Variants in NCKAP5 observed in about 807,000 individuals in gnomAD.
The protein encoded by NCKAP5 is NCK associated protein 5.
A neutral mutation model predicts 167.0 loss-of-function variants in NCKAP5; 92 were observed. That is an observed-to-expected ratio of 0.55 (90% confidence interval 0.47 to 0.66). The LOEUF is 0.66. Among genes scored for constraint, NCKAP5 ranks in the 30% least tolerant of loss-of-function variants. NCKAP5 has a pLI of 0.00. For synonymous variants in NCKAP5, 891 were observed against 877.4 expected, an observed-to-expected ratio of 1.02 and a Z score of -0.27; for missense variants, 2,378 against 2,315.0, an observed-to-expected ratio of 1.03 and a Z score of -0.56.
At chr2:132,789,057 C>G (rs903840548) in intron 13 of NCKAP5, among the ~76,000 whole-genome samples, 1 of 152,254 alleles carries the variant, frequency 6.6e-6, no homozygotes, top group African/African-American at 2.4e-5. Context: ...GCCTTAAGAA[C>G]CTTCTTTCTC....
At chr2:132,933,101 A>G (rs1696555834) in intron 8 of NCKAP5, among the ~76,000 whole-genome samples, 1 of 151,732 alleles carries the variant, frequency 6.6e-6, no homozygotes, top group East Asian at 1.9e-4. Context: ...ATATTTTTGT[A>G]TTTTTAGTAG....
At chr2:133,509,546 C>T (rs372694610) in intron 3 of NCKAP5, among the ~76,000 whole-genome samples, 2 of 152,210 alleles carry the variant, frequency 1.3e-5, no homozygotes, top group East Asian at 3.8e-4. Context: ...AGTTCACTCA[C>T]TCATTCATTC....
chr2:132,800,725 C>G (rs1381355237), intron 11 of NCKAP5, among the ~76,000 whole-genome samples: 1 of 152,142 alleles, frequency 6.6e-6, no homozygotes, highest in East Asian at 1.9e-4. Flanking sequence ...GTCATCTATC[C>G]TCTCTAACCC....
intron 6 of NCKAP5, among the ~76,000 whole-genome samples, chr2:133,032,258 C>A (rs965965333): frequency 6.6e-5 from 10 of 152,134 alleles, no homozygotes; most frequent in African/African-American, 2.4e-4. Flanking sequence ...AGTCCCAGGC[C>A]AGGCAGCATT....
At chr2:133,049,544 CAAAAA>C (rs59494014) in intron 6 of NCKAP5, among the ~76,000 whole-genome samples, 2 of 78,292 alleles carry the variant, frequency 2.6e-5, no homozygotes, top group Non-Finnish European at 2.5e-5. Flanking sequence ...GACTCTGTCT[CAAAAA>C]AAAAAAAAAA....
intron 11 of NCKAP5, among the ~76,000 whole-genome samples, chr2:132,858,096 C>G (rs1440840997): frequency 6.6e-6 from 1 of 151,836 alleles, no homozygotes; most frequent in Admixed American, 6.6e-5. Context: ...CTGTATTCAA[C>G]AAATAATAAC....
intron 3 of NCKAP5, among the ~76,000 whole-genome samples, chr2:133,507,338 A>T (rs893749314): frequency 6.6e-6 from 1 of 152,198 alleles, no homozygotes; most frequent in Non-Finnish European, 1.5e-5. Context: ...CCCTCTACAC[A>T]TCTATGTGCA....
chr2:133,185,826 T>C (rs76647075), intron 5 of NCKAP5, among the ~76,000 whole-genome samples: 14,951 of 152,136 alleles, frequency 0.098, 847 homozygotes, highest in East Asian at 0.13. Flanking sequence ...TGAAACTCTA[T>C]TGATGTAATT....
chr2:133,302,811 A>G (rs1680488878), intron 4 of NCKAP5, among the ~76,000 whole-genome samples: 1 of 151,562 alleles, frequency 6.6e-6, no homozygotes, highest in Non-Finnish European at 1.5e-5. Context: ...AAATAAATAA[A>G]TAAATAAATA....
At chr2:133,538,061 T>C (rs79878450) in intron 2 of NCKAP5, among the ~76,000 whole-genome samples, 6,301 of 152,260 alleles carry the variant, frequency 0.041, 153 homozygotes, top group South Asian at 0.068. Flanking sequence ...TTGCATTTCA[T>C]TCCATTAAAG....
chr2:133,059,745 A>G (rs1179971025), intron 6 of NCKAP5, among the ~76,000 whole-genome samples: 1 of 152,180 alleles, frequency 6.6e-6, no homozygotes, highest in African/African-American at 2.4e-5. Context: ...ATGCTATTGC[A>G]CATTTAATAG....
the NCKAP5 span, among the ~76,000 whole-genome samples, chr2:133,673,990 A>G: frequency 6.6e-6 from 1 of 152,322 alleles, no homozygotes; most frequent in Admixed American, 6.5e-5. Context: ...TAGCATTCTT[A>G]GGAATTTAAG....
intron 6 of NCKAP5, among the ~76,000 whole-genome samples, chr2:133,073,930 G>C (rs2080508352): frequency 6.6e-6 from 1 of 152,150 alleles, no homozygotes; most frequent in Non-Finnish European, 1.5e-5. Flanking sequence ...TGAGGCAAAT[G>C]GCTGCAACTT....
the NCKAP5 span, among the ~76,000 whole-genome samples, chr2:133,658,001 A>G: frequency 1.3e-5 from 2 of 152,190 alleles, no homozygotes; most frequent in Non-Finnish European, 2.9e-5. Context: ...GAAGAGTTCA[A>G]GATAAAGGGA....
chr2:133,414,108 A>G (rs577598936), intron 3 of NCKAP5, among the ~76,000 whole-genome samples: 1 of 152,338 alleles, frequency 6.6e-6, no homozygotes, highest in South Asian at 2.1e-4. Flanking sequence ...ATGACATACT[A>G]AATGTCACGC....
the NCKAP5 span, among the ~76,000 whole-genome samples, chr2:133,673,800 G>A: frequency 1.8e-4 from 28 of 152,242 alleles, no homozygotes; most frequent in Admixed American, 3.9e-4. Flanking sequence ...AGCTCAGGAC[G>A]CTGCAATGTG....
chr2:133,088,243 T>C (rs1190308414), intron 6 of NCKAP5, among the ~76,000 whole-genome samples: 1 of 152,220 alleles, frequency 6.6e-6, no homozygotes, highest in Non-Finnish European at 1.5e-5. Flanking sequence ...GCTTCAGAGT[T>C]GGCACGGGCA....
At chr2:133,545,035 G>C (rs572477999) in intron 2 of NCKAP5, among the ~76,000 whole-genome samples, 2 of 152,220 alleles carry the variant, frequency 1.3e-5, no homozygotes, top group East Asian at 1.9e-4. Context: ...TTTAAGGCAG[G>C]CAGGAAGACA....
upstream of NCKAP5, among the ~76,000 whole-genome samples, chr2:133,572,309 G>A (rs1361640436): frequency 1.3e-5 from 2 of 152,234 alleles, no homozygotes; most frequent in African/African-American, 2.4e-5. Context: ...ATATATGCCA[G>A]TGGGCATTCA....
Sources: allele counts gnomAD v4.1 joint callset (sites outside exome capture counted in the v4.1 genomes callset), GRCh38; gene constraint gnomAD v4.1.1; transcripts MANE v1.5; gene names NCBI Gene and HGNC (gene_info 2026-07-23, HGNC 2026-07-21).